ZFYVE19: variants seen among roughly 807,000 people sequenced by gnomAD.
The protein encoded by ZFYVE19 is abscission/NoCut checkpoint regulator.
ZFYVE19 carries 49 observed loss-of-function variants against 62.8 expected under a neutral mutation model. The observed-to-expected ratio is 0.78, with a 90% CI of 0.62 to 0.99. ZFYVE19 has a LOEUF of 0.99. ZFYVE19 is among the 50% of genes least tolerant of loss of function. ZFYVE19 has a pLI of 0.00. For missense variants in ZFYVE19, 630 were observed against 601.9 expected, an observed-to-expected ratio of 1.05 and a Z score of -0.49; for synonymous variants, 242 against 234.3, an observed-to-expected ratio of 1.03 and a Z score of -0.30.
intron 3 of ZFYVE19, 51 bp downstream of exon 3, chr15:40,809,509 G>A (rs371968606): frequency 7.9e-5 from 126 of 1,600,320 alleles, no homozygotes; most frequent in Non-Finnish European, 1.0e-4. Context: ...GGATAAGGGA[G>A]CCATAGGGAA....
Position 40,812,829 on chromosome 15 carries a change from G to T in ZFYVE19, c.957G>T (p.Glu319Asp). ...AGGCAGCACTTGAGTTGCGGGAGGAGAACACGAGGCAGGAACGGATTCTGG... is the reference window on the plus strand; with the variant it reads ...AGGCAGCACTTGAGTTGCGGGAGGATAACACGAGGCAGGAACGGATTCTGG... ...LAEAALELREENTRQERILAL... is the reference protein window; with the variant it reads ...LAEAALELREDNTRQERILAL... Residue 319 changes from glutamate (E) to aspartate (D), a missense_variant, in exon 7 of 11, where the codon GAG becomes GAT. Coordinates refer to ENST00000355341, the MANE Select transcript of ZFYVE19 (RefSeq NM_001077268.2). The T allele has an allele frequency of 6.2e-7, 1 of 1,613,748 alleles. No individual in the cohort carries two copies. Among genetic ancestry groups the T allele is most frequent in the Non-Finnish European group, 8.5e-7 (1 of 1,180,030 alleles).
Position 40,813,905 on chromosome 15 carries a change from G to A in ZFYVE19, c.1210-38G>A, listed in dbSNP as rs1361086302. ...CTGCAGCAGCTCACATACCCCACTG[G>A]GTACCTTACTTCCTCCATTCCTCTC... On this transcript the variant is annotated intron_variant, in intron 9 of 10. Coordinates refer to ENST00000355341, the MANE Select transcript of ZFYVE19 (RefSeq NM_001077268.2). 3 of 1,592,122 alleles carry A rather than the reference G, an allele frequency of 1.9e-6. No homozygotes were observed. In the South Asian group the frequency reaches 3.4e-5, roughly 18 times the overall value.
In ZFYVE19 at chr15:40,814,682, A is replaced by G. The variant is rs1288916252; in HGVS notation, c.*456A>G. The G allele has an allele frequency of 5.3e-6, 1 of 187,138 alleles. No homozygotes were observed. The highest frequency in any genetic ancestry group is 1.1e-5 in the Non-Finnish European group (1 of 88,556). The allele number at this position is 187,138 out of a possible 1,614,324, so 11.6% of individuals were successfully genotyped here. ...ATGGGGGAAAAGGTTGAGCCATCCT[A>G]TGAACTTCTCCAGGCAGGAACAGCC... On this transcript the variant is annotated 3_prime_UTR_variant, in exon 11 of 11. Coordinates refer to ENST00000355341, the MANE Select transcript of ZFYVE19 (RefSeq NM_001077268.2).
In ZFYVE19 at chr15:40,809,953, G is replaced by A. The variant is rs572145677; in HGVS notation, c.554G>A (p.Arg185His). 2.4e-5 allele frequency: 38 copies of A among 1,614,204 alleles called. No individual in the cohort carries two copies. Among genetic ancestry groups the A allele is most frequent in the African/African-American group, 1.9e-4 (14 of 75,052 alleles). ...QMIAERLARL[R>H]QENKPKLVPS... ...ATTGCTGAGCGCCTAGCACGACTCC[G>A]CCAGGAGAACAAGCCCAGTGAGCAG... Residue 185 changes from arginine to histidine, a missense_variant, in exon 4 of 11, where the codon CGC (arginine) becomes CAC (histidine). Physicochemically the swap from Arg to His is conservative, Grantham distance 29. Coordinates refer to ENST00000355341, the MANE Select transcript of ZFYVE19 (RefSeq NM_001077268.2).
chr15:40,809,810 C>CCCTCTGCCTTCTTCAAGAG (rs1890420094), intron 3 of ZFYVE19, 42 bp from the exon 4 acceptor site: 2 of 1,597,632 alleles, frequency 1.3e-6, no homozygotes, highest in Non-Finnish European at 1.7e-6. Context: ...TTCACTCTTC[C>CCCTCTGCCTTCTTCAAGAG]CCTCTGCCTT....
chr15:40,809,761 A>G, intron 3 of ZFYVE19, 91 bp from the exon 4 acceptor site: 1 of 1,416,240 alleles, frequency 7.1e-7, no homozygotes, highest in Non-Finnish European at 9.9e-7. Context: ...AAGTGCCCAG[A>G]AATGATTTGA....
chr15:40,807,582 A>C lies in ZFYVE19; in HGVS notation c.-8A>C. On this transcript the variant is annotated 5_prime_UTR_variant, in exon 1 of 11. Transcript: ENST00000355341. ...TTGACTGACTCTGAGGGAGGCCGGC[A>C]GTCGTGAATGAACTACGACTCCCAG... The C allele has an allele frequency of 6.2e-7, 1 of 1,610,402 alleles. No homozygotes were observed. Among genetic ancestry groups the C allele is most frequent in the Non-Finnish European group, 8.5e-7 (1 of 1,177,958 alleles).
intron 6 of ZFYVE19, among the ~76,000 whole-genome samples, chr15:40,811,288 C>T (rs1288139819): frequency 6.6e-6 from 1 of 152,192 alleles, no homozygotes; most frequent in Non-Finnish European, 1.5e-5. Context: ...TGGAATGTTT[C>T]CATCATCATA....
Position 40,809,235 on chromosome 15 carries a change from G to C in ZFYVE19, c.396G>C (p.Leu132=). The C allele has an allele frequency of 6.2e-7, 1 of 1,614,114 alleles. No individual in the cohort carries two copies. The highest frequency in any genetic ancestry group is 8.5e-7 in the Non-Finnish European group (1 of 1,180,012). ...TCTGCAAGCAATGCCATGAGGTCCT[G>C]ACCAGGTAAGAGGCAGGCATGGGTG... ...QKVCKQCHEV[L]TRGSSANASK... The change falls in exon 2 of 11, where the codon CTG becomes CTC. Residue 132 remains leucine, a synonymous_variant. Transcript: ENST00000355341.
chr15:40,809,595 C>A, intron 3 of ZFYVE19, 137 bp downstream of exon 3: 2 of 1,162,430 alleles, frequency 1.7e-6, no homozygotes. Flanking sequence ...CCTGACTGCC[C>A]TCTTGGGCTG....
Position 40,813,955 on chromosome 15 carries a change from G to C in ZFYVE19, c.1222G>C (p.Asp408His). ...CTGATCCCTGAAGGCCCAGGATGTG[G>C]ACCCCAGGCCTGAGGCTGAGGAAGA... The part of the protein sequence containing the change: ...RGAEPEAQDV[D>H]PRPEAEEEEL... Residue 408 changes from aspartate to histidine, a missense_variant, in exon 10 of 11, where the codon GAC becomes CAC. Physicochemically the swap from Asp to His is moderately conservative, Grantham distance 81. Coordinates refer to ENST00000355341, the MANE Select transcript of ZFYVE19 (RefSeq NM_001077268.2). The C allele has an allele frequency of 6.2e-7, 1 of 1,609,546 alleles. No homozygotes were observed. The highest frequency in any genetic ancestry group is 1.7e-5 in the Admixed American group (1 of 59,558).
chr15:40,807,112 G>A lies in ZFYVE19; in HGVS notation c.-478G>A. The A allele has an allele frequency of 3.6e-6, 3 of 827,114 alleles. No individual in the cohort carries two copies. The highest frequency in any genetic ancestry group is 3.7e-6 in the Non-Finnish European group (2 of 546,480). The allele number at this position is 827,114 out of a possible 1,614,324, so 51.2% of individuals were successfully genotyped here. On this transcript the variant is annotated 5_prime_UTR_variant, in exon 1 of 11. Coordinates refer to ENST00000355341, the MANE Select transcript of ZFYVE19 (RefSeq NM_001077268.2). ...GCGTTCCTTGCTGCCTCGCCCCGCG[G>A]CCTCTAGGAGACAGGGGCCACGGGG... is the stretch of plus-strand genomic sequence containing the variant.
intron 6 of ZFYVE19, 25 bp downstream of exon 6, chr15:40,810,782 G>A (rs1890463187): frequency 6.4e-7 from 1 of 1,551,664 alleles, no homozygotes; most frequent in Non-Finnish European, 8.7e-7. Context: ...TGGCTCCCTA[G>A]GAATCTGCCC....
rs1356255936 is a variant in ZFYVE19 at position 40,813,329 on chromosome 15, C to G, written c.1031-9C>G. On this transcript the variant is annotated splice_polypyrimidine_tract_variant and intron_variant, in intron 7 of 10. Transcript: ENST00000355341. ...CCCCATCCCCTGTTCCCATGTCTCC[C>G]TCTTCAAGTGACCCTCCAGGACTAT... 4 of 1,613,056 alleles carry G rather than the reference C, an allele frequency of 2.5e-6. No homozygotes were observed. The highest frequency in any genetic ancestry group is 3.4e-6 in the Non-Finnish European group (4 of 1,179,570).
chr15:40,813,462 C>T (rs1566839338), intron 8 of ZFYVE19, 45 bp downstream of exon 8: 1 of 1,533,952 alleles, frequency 6.5e-7, no homozygotes, highest in East Asian at 2.4e-5. Context: ...CCGTCTCCGC[C>T]TCATTGCCCC....
In ZFYVE19 at chr15:40,814,351, A is replaced by G; in HGVS notation, c.*125A>G. On this transcript the variant is annotated 3_prime_UTR_variant, in exon 11 of 11. Transcript: ENST00000355341. ...CTGATGATGGATAGGCCCCTTCCTG[A>G]GCCTTGGTGTCCCTGGAATGAGGAA... 9.4e-7 allele frequency: 1 copy of G among 1,063,714 alleles called. No individual in the cohort carries two copies. Among genetic ancestry groups the G allele is most frequent in the Admixed American group, 2.2e-5 (1 of 44,964 alleles). The allele number at this position is 1,063,714 out of a possible 1,614,324, so 65.9% of individuals were successfully genotyped here. A position where few individuals can be genotyped will look rare whatever the true frequency, so the allele number is the denominator to read the frequency against.
chr15:40,810,271 A>T, intron 5 of ZFYVE19, 55 bp downstream of exon 5: 1 of 1,602,066 alleles, frequency 6.2e-7, no homozygotes, highest in Non-Finnish European at 8.5e-7. Context: ...GACCCAGCAG[A>T]AGCCCAGATA....
Position 40,814,195 on chromosome 15 carries a change from A to C in ZFYVE19, c.1385A>C (p.Tyr462Ser). ...CTTAAAGAGCACCAGACATCTGCCTACTCTCCTCCACGTGCAGGCCAAGAG... is the reference window on the plus strand; with the variant it reads ...CTTAAAGAGCACCAGACATCTGCCTCCTCTCCTCCACGTGCAGGCCAAGAG... ...FELKEHQTSA[Y>S]SPPRAGQEH The change falls in exon 11 of 11, where the codon TAC becomes TCC. Residue 462 changes from tyrosine (Y) to serine (S), a missense_variant. Tyr to Ser is a moderately radical substitution (Grantham distance 144, BLOSUM62 -2). Coordinates refer to ENST00000355341, the MANE Select transcript of ZFYVE19 (RefSeq NM_001077268.2). 6.2e-7 allele frequency: 1 copy of C among 1,614,006 alleles called. No homozygotes were observed. Among genetic ancestry groups the C allele is most frequent in the Admixed American group, 1.7e-5 (1 of 60,014 alleles).
rs544912505 is a variant in ZFYVE19, at chr15:40,812,877, G to C, written c.1005G>C (p.Met335Ile). Reference protein sequence around the residue: ...RILALAKRLAMLRGQDPERVT... With the variant: ...RILALAKRLAILRGQDPERVT... ...TGGCCCTGGCCAAGCGACTAGCCAT[G>C]CTGCGGGGACAGGACCCCGAGAGAG... Residue 335 changes from methionine (M) to isoleucine (I), a missense_variant, in exon 7 of 11, where the codon ATG (methionine) becomes ATC (isoleucine). Physicochemically the swap from Met to Ile is conservative, Grantham distance 10 (BLOSUM62 1). Transcript: ENST00000355341. The C allele has an allele frequency of 1.2e-6, 2 of 1,612,598 alleles. No homozygotes were observed. Among genetic ancestry groups the C allele is most frequent in the East Asian group, 4.5e-5 (2 of 44,882 alleles).
Sources: allele counts gnomAD v4.1 joint callset (sites outside exome capture counted in the v4.1 genomes callset), GRCh38; gene constraint gnomAD v4.1.1; transcripts MANE v1.5; gene names NCBI Gene and HGNC (gene_info 2026-07-23, HGNC 2026-07-21).